Variants in PRKG1 observed in about 807,000 individuals in gnomAD.
PRKG1 encodes the protein cGMP-dependent protein kinase 1.
In PRKG1, 35 loss-of-function variants were observed where a neutral mutation model predicts 88.1. The observed-to-expected ratio is 0.40, with a 90% CI of 0.30 to 0.53. The LOEUF (loss-of-function observed/expected upper bound fraction) is 0.53. PRKG1 is among the 20% of genes least tolerant of loss of function. PRKG1 has a pLI of 0.59. For synonymous variants in PRKG1, 303 were observed against 292.5 expected (o/e 1.04, Z -0.37); for missense variants, 540 against 839.8 (o/e 0.64, Z 4.41).
At chr10:51,543,591 C>T (rs1842367659) in intron 3 of PRKG1, among the ~76,000 whole-genome samples, 3 of 152,172 alleles carry the variant, frequency 2.0e-5, no homozygotes, top group South Asian at 4.1e-4. Flanking sequence ...AAGCTAAAAG[C>T]AGCAGCCACC....
At chr10:52,188,230 GTATATATATACATATATATGTGTA>G (rs1839255142) in intron 9 of PRKG1, among the ~76,000 whole-genome samples, 1 of 71,704 alleles carries the variant, frequency 1.4e-5, no homozygotes, top group African/African-American at 3.7e-5. Context: ...ATATACATAT[GTATATATATACATATATATGTGTA>G]TATATATACA....
intron 3 of PRKG1, among the ~76,000 whole-genome samples, chr10:51,654,125 G>A (rs369229795): frequency 9.9e-5 from 15 of 151,650 alleles, no homozygotes; most frequent in African/African-American, 2.7e-4. Context: ...GAAACTTTTT[G>A]CCTATGTTTT....
At chr10:51,030,450 G>A (rs1265707848) in intron 1 of PRKG1, among the ~76,000 whole-genome samples, 2 of 152,138 alleles carry the variant, frequency 1.3e-5, no homozygotes, top group Non-Finnish European at 2.9e-5. Context: ...TTGTCTGTTA[G>A]AATTTGCTTA....
intron 7 of PRKG1, among the ~76,000 whole-genome samples, chr10:52,119,111 C>T (rs1471007427): frequency 6.6e-6 from 1 of 152,058 alleles, no homozygotes; most frequent in Non-Finnish European, 1.5e-5. Flanking sequence ...TTCCATAATA[C>T]ACTACTTATA....
chr10:52,050,920 A>G (rs546843690), intron 5 of PRKG1, among the ~76,000 whole-genome samples: 8 of 152,168 alleles, frequency 5.3e-5, no homozygotes, highest in Non-Finnish European at 7.4e-5. Context: ...TTTGTTCCCA[A>G]TGGAGTAATT....
At chr10:51,493,188 G>A (rs1589014204) in intron 3 of PRKG1, among the ~76,000 whole-genome samples, 1 of 151,924 alleles carries the variant, frequency 6.6e-6, no homozygotes, top group African/African-American at 2.4e-5. Context: ...TCATTTAATT[G>A]CTGTTTTTAA....
intron 3 of PRKG1, among the ~76,000 whole-genome samples, chr10:51,773,301 A>T (rs1838352140): frequency 6.6e-6 from 1 of 152,108 alleles, no homozygotes; most frequent in Non-Finnish European, 1.5e-5. Flanking sequence ...CACAAAATCA[A>T]TATATAATTT....
chr10:52,047,563 G>A (rs751925710), intron 5 of PRKG1, among the ~76,000 whole-genome samples: 17 of 152,038 alleles, frequency 1.1e-4, no homozygotes, highest in Admixed American at 2.6e-4. Context: ...GCTTTCAGTC[G>A]TTCTTGGCAT....
chr10:51,663,594 G>A (rs1840351455), intron 3 of PRKG1, among the ~76,000 whole-genome samples: 2 of 150,654 alleles, frequency 1.3e-5, no homozygotes, highest in African/African-American at 4.9e-5. Context: ...GCACATGCCT[G>A]TAGTCCTACC....
At chr10:52,181,400 T>C (rs917435358) in intron 9 of PRKG1, among the ~76,000 whole-genome samples, 1 of 151,032 alleles carries the variant, frequency 6.6e-6, no homozygotes, top group African/African-American at 2.4e-5. Flanking sequence ...AAAAGAGGTT[T>C]ATTTGGCTCA....
rs190437857 is a variant in PRKG1, at chr10:51,059,332, G to A, written c.266+67688G>A. On this transcript the variant is annotated intron_variant, in intron 1 of 17. Transcript: ENST00000401604. ...AGTTTTTGGTAGATTTTGTGTGCAT[G>A]TGTGTGTGTACATTTTAACAGATAA... Among the ~76,000 whole-genome samples, 345 of 152,196 alleles carry A rather than the reference G, an allele frequency of 2.3e-3. 3 individuals are homozygous for A. Among genetic ancestry groups the A allele is most frequent in the Middle Eastern group, 0.01 (3 of 294 alleles).
chr10:51,707,883 C>T (rs1259169081), intron 3 of PRKG1, among the ~76,000 whole-genome samples: 1 of 152,144 alleles, frequency 6.6e-6, no homozygotes, highest in East Asian at 1.9e-4. Context: ...TTTAAATTTA[C>T]CTTCTAACTC....
intron 3 of PRKG1, among the ~76,000 whole-genome samples, chr10:51,610,756 C>G (rs973482790): frequency 6.6e-6 from 1 of 152,088 alleles, no homozygotes; most frequent in African/African-American, 2.4e-5. Context: ...AGGGATAAAG[C>G]TGGAAGCCAT....
intron 3 of PRKG1, among the ~76,000 whole-genome samples, chr10:51,790,430 G>A (rs375451046): frequency 3.9e-5 from 6 of 152,078 alleles, no homozygotes; most frequent in South Asian, 2.1e-4. Flanking sequence ...ACTCATATCT[G>A]AGAATAGTTT....
chr10:51,095,100 T>C (rs901103561), intron 1 of PRKG1, among the ~76,000 whole-genome samples: 2 of 152,116 alleles, frequency 1.3e-5, no homozygotes, highest in Admixed American at 6.6e-5. Flanking sequence ...TGTACCCCCT[T>C]CATTATACAA....
chr10:51,317,883 A>G (rs1483827337), intron 2 of PRKG1, among the ~76,000 whole-genome samples: 1 of 150,434 alleles, frequency 6.6e-6, no homozygotes. Context: ...AGCCTCTCTA[A>G]CCACAGTCTT....
intron 9 of PRKG1, among the ~76,000 whole-genome samples, chr10:52,238,774 G>C (rs1428580827): frequency 6.7e-6 from 1 of 149,836 alleles, no homozygotes; most frequent in Non-Finnish European, 1.5e-5. Context: ...GATTCCTCAG[G>C]GATCTAGAGC....
chr10:51,929,346 C>T lies in PRKG1; in HGVS notation c.762+21776C>T, dbSNP rs377178635. 6.2e-3 allele frequency among the ~76,000 whole-genome samples: 685 copies of T among 109,734 alleles called. 8 individuals are homozygous for T. The highest frequency in any genetic ancestry group is 0.022 in the African/African-American group (649 of 29,914). The allele number at this position is 109,734 out of a possible 152,430, so 72.0% of individuals were successfully genotyped here. Reference sequence around the variant, plus strand: ...GCCTGACCAACATCTGAATTCCTTCCTTTTTTTTTTTTTTTTTTTTTTGAG... The same window carrying T: ...GCCTGACCAACATCTGAATTCCTTCTTTTTTTTTTTTTTTTTTTTTTTGAG... On this transcript the variant is annotated intron_variant, in intron 5 of 17. Coordinates refer to ENST00000373980, the MANE Select transcript of PRKG1 (RefSeq NM_006258.4).
chr10:51,056,399 G>A (rs930394965), intron 1 of PRKG1, among the ~76,000 whole-genome samples: 2 of 152,106 alleles, frequency 1.3e-5, no homozygotes, highest in African/African-American at 2.4e-5. Flanking sequence ...ACTGTTAAAC[G>A]TGCAGCAGTT....
Sources: gnomAD v4.1 joint callset for allele counts (sites outside exome capture counted in the v4.1 genomes callset) on GRCh38, gnomAD v4.1.1 for gene constraint, MANE v1.5 for transcripts, NCBI Gene and HGNC (gene_info 2026-07-23, HGNC 2026-07-21) for gene names.